The following CUL4B variants were observed in gnomAD, a reference collection of about 807,000 sequenced individuals.
CUL4B encodes the protein cullin 4B.
In CUL4B, 1 loss-of-function variant was observed where a neutral mutation model predicts 69.2. The observed-to-expected ratio is 0.01, with a 90% CI of 0.01 to 0.07. The LOEUF (loss-of-function observed/expected upper bound fraction) is 0.07. CUL4B is among the 10% of genes least tolerant of loss of function. The probability of loss-of-function intolerance (pLI) is 1.00; values close to 1 mark genes in which losing one functional copy is unlikely to be tolerated. For synonymous variants in CUL4B, 237 were observed against 223.2 expected (o/e 1.06, Z -0.55); for missense variants, 328 against 638.8 (o/e 0.51, Z 5.24).
chrX:120,559,074 T>C (rs1037080996), intron 1 of CUL4B, among the ~76,000 whole-genome samples: 2 of 110,747 alleles, frequency 1.8e-5, no homozygotes, highest in Admixed American at 9.7e-5. Context: ...AAATAGAGCA[T>C]ACTCCTGATT....
downstream of CUL4B, among the ~76,000 whole-genome samples, chrX:120,568,608 G>A (rs1925623156): frequency 8.9e-6 from 1 of 112,050 alleles, no homozygotes; most frequent in South Asian, 3.6e-4. Flanking sequence ...TCTCAGCAAC[G>A]CATGGTGCTA....
chrX:120,534,503 C>A lies in CUL4B; in HGVS notation c.2244G>T (p.Glu748Asp), dbSNP rs1475522827. The change falls in exon 17 of 20, where the codon GAG becomes GAT. Residue 748 changes from glutamate to aspartate, a missense_variant. Transcript: ENST00000371322. ...FNEGEEFSLE[E>D]IKQATGIEDG... ...AACCTATTCCAGTTGCCTGCTTGATCTCTTCTAAACTGAACTCCTCTCCCT... is the reference window on the plus strand; with the variant it reads ...AACCTATTCCAGTTGCCTGCTTGATATCTTCTAAACTGAACTCCTCTCCCT... The A allele has an allele frequency of 5.0e-6, 6 of 1,202,073 alleles. No individual in the cohort carries two copies. The highest frequency in any genetic ancestry group is 6.8e-6 in the Non-Finnish European group (6 of 888,541).
chrX:120,573,995 T>C (rs888068043), intron 2 of CUL4B, among the ~76,000 whole-genome samples: 1 of 109,129 alleles, frequency 9.2e-6, no homozygotes, highest in Non-Finnish European at 1.9e-5. Flanking sequence ...CCCAGTTAAT[T>C]TGTGTATTTT....
rs5957408 is a variant in CUL4B, at chrX:120,543,829, C to T, written c.1174-20G>A. ...AGGAACCTACAAAGATAGTTTTTTA[C>T]ATTATTGTTTTCCTCCCCATAAATC... On this transcript the variant is annotated intron_variant, in intron 7 of 19. Coordinates refer to ENST00000371322, the MANE Select transcript of CUL4B (RefSeq NM_001079872.2). 0.028 allele frequency: 30,455 copies of T among 1,093,982 alleles called. 4,578 individuals are homozygous for T. In the African/African-American group the frequency reaches 0.46, roughly 17 times the overall value. The allele number at this position is 1,093,982 out of a possible 1,213,427, so 90.2% of individuals were successfully genotyped here.
At chrX:120,575,500 ATGCCCGCCCTTTCGGCGGGCTAGGTTC>A (rs1238124837) in exon 1 of CUL4B, 2 of 112,140 alleles carry the variant, frequency 1.8e-5, no homozygotes, top group Non-Finnish European at 1.9e-5. Flanking sequence ...CACTTTAGCA[ATGCCCGCCCTTTCGGCGGGCTAGGTTC>A]TGCCCGCCGA....
At chrX:120,559,813 T>A in intron 1 of CUL4B, 1 of 1,107,912 alleles carries the variant, frequency 9.0e-7, no homozygotes, top group Non-Finnish European at 1.2e-6. Context: ...CGATTGTCAG[T>A]GTTATAAGGA....
chrX:120,571,235 T>C (rs1205753348), exon 3 of CUL4B: 1 of 111,556 alleles, frequency 9.0e-6, no homozygotes, highest in Non-Finnish European at 1.9e-5. Flanking sequence ...ATACATCTTT[T>C]GTATGTATTA....
chrX:120,554,207 T>C (rs1180130149), intron 2 of CUL4B, among the ~76,000 whole-genome samples: 1 of 112,306 alleles, frequency 8.9e-6, no homozygotes, highest in Non-Finnish European at 1.9e-5. Context: ...TTTTGCAATA[T>C]TTCATTTACG....
rs1340436878 is a variant in CUL4B at position 120,547,257 on chromosome X, T to C, written c.673-18A>G. On this transcript the variant is annotated intron_variant, in intron 2 of 19. Transcript: ENST00000371322. The stretch of plus-strand genomic sequence containing the variant: ...TCTACAGCCTGCAAGGTTAAAATAC[T>C]TTCTTAAGGAGAGGATGAAGGATTT... 6 of 972,762 alleles carry C rather than the reference T, an allele frequency of 6.2e-6. No individual in the cohort carries two copies. The East Asian group carries it at 1.8e-4, about 30-fold the overall frequency. 80.2% of individuals were successfully genotyped at this position (972,762 alleles called of 1,213,427 possible).
chrX:120,539,867 C>A (rs1923886427), intron 11 of CUL4B, among the ~76,000 whole-genome samples: 1 of 111,956 alleles, frequency 8.9e-6, no homozygotes, highest in African/African-American at 3.2e-5. Flanking sequence ...AAATTTCATC[C>A]TTTTGGCAGA....
chrX:120,536,921 T>A lies in CUL4B; in HGVS notation c.2046+6A>T. 1.8e-6 allele frequency: 2 copies of A among 1,139,826 alleles called. No homozygotes were observed. Among genetic ancestry groups the A allele is most frequent in the South Asian group, 3.6e-5 (2 of 55,463 alleles). The allele number at this position is 1,139,826 out of a possible 1,213,427, so 93.9% of individuals were successfully genotyped here. ...CTATAACTCAGTTCTAAACAGTAAC[T>A]CTTACCTCTGGTGGTAAATGAACTT... is the stretch of plus-strand genomic sequence containing the variant. On this transcript the variant is annotated splice_donor_region_variant and intron_variant, in intron 15 of 19. Coordinates refer to ENST00000371322, the MANE Select transcript of CUL4B (RefSeq NM_001079872.2).
chrX:120,542,615 T>C (rs986331596), intron 9 of CUL4B, among the ~76,000 whole-genome samples: 2 of 111,930 alleles, frequency 1.8e-5, no homozygotes, highest in African/African-American at 6.5e-5. Context: ...TTTTTTCTTT[T>C]ATTTTATTTA....
rs1569391335 is a variant in CUL4B at position 120,543,525 on chromosome X, CACACACA to C, written c.1256+195_1256+201del. ...ACACACACACACACACACACACACA[CACACACA>C]CCCCTAATAATCGAATCCTTGGATG... On this transcript the variant is annotated intron_variant, in intron 8 of 19. Transcript: ENST00000371322. Among the ~76,000 whole-genome samples the C allele has an allele frequency of 3.0e-3, 334 of 109,556 alleles. 3 individuals carry two copies. The highest frequency in any genetic ancestry group is 0.018 in the South Asian group (47 of 2,612).
chrX:120,553,519 C>T (rs1368455709), intron 2 of CUL4B, among the ~76,000 whole-genome samples: 1 of 111,918 alleles, frequency 8.9e-6, no homozygotes, highest in Admixed American at 9.5e-5. Flanking sequence ...CTAGGCTTGA[C>T]TTTAAAAATA....
At chrX:120,571,762 G>A (rs1170674775) in exon 3 of CUL4B, 4 of 110,454 alleles carry the variant, frequency 3.6e-5, no homozygotes, top group African/African-American at 9.9e-5. Flanking sequence ...AAATACAGTC[G>A]GCCCTCTGCA....
chrX:120,552,670 G>GA (rs758541097), intron 2 of CUL4B, among the ~76,000 whole-genome samples: 281 of 105,899 alleles, frequency 2.7e-3, no homozygotes, highest in African/African-American at 8.0e-3. Context: ...AAAAGTGTCT[G>GA]AAAAAAAAAC....
At chrX:120,553,761 A>G (rs1320783374) in intron 2 of CUL4B, among the ~76,000 whole-genome samples, 2 of 111,156 alleles carry the variant, frequency 1.8e-5, no homozygotes, top group Non-Finnish European at 3.8e-5. Context: ...AAACAAAACA[A>G]AACACTGCGG....
chrX:120,572,613 G>C (rs1925747682), intron 2 of CUL4B, among the ~76,000 whole-genome samples: 1 of 110,712 alleles, frequency 9.0e-6, no homozygotes, highest in Non-Finnish European at 1.9e-5. Context: ...ACTGATTAAA[G>C]ATCTTTTTCT....
upstream of CUL4B, chrX:120,561,031 G>T (rs1292861964): frequency 2.1e-6 from 2 of 968,764 alleles, no homozygotes; most frequent in Admixed American, 5.0e-5. Flanking sequence ...TGGGGGAAAG[G>T]GGGAGGGGGA....
Sources: allele counts gnomAD v4.1 joint callset (sites outside exome capture counted in the v4.1 genomes callset), GRCh38; gene constraint gnomAD v4.1.1; transcripts MANE v1.5; gene names NCBI Gene and HGNC (gene_info 2026-07-23, HGNC 2026-07-21).